TGM5: variants seen among roughly 807,000 people sequenced by gnomAD.
TGM5 encodes the protein protein-glutamine gamma-glutamyltransferase 5.
In TGM5, 69 loss-of-function variants were observed where a neutral mutation model predicts 77.2. The ratio of observed to expected loss-of-function variants is 0.89; its 90% CI spans 0.74 to 1.09. The LOEUF (loss-of-function observed/expected upper bound fraction) is 1.09. TGM5 is among the 50% of genes least tolerant of loss of function. TGM5 has a pLI of 0.00. For synonymous variants in TGM5, 346 were observed against 351.8 expected, an observed-to-expected ratio of 0.98 and a Z score of 0.18; for missense variants, 842 against 896.5, an observed-to-expected ratio of 0.94 and a Z score of 0.78.
intron 1 of TGM5, among the ~76,000 whole-genome samples, chr15:43,261,086 T>TTG (rs1566837503): frequency 4.9e-5 from 6 of 121,876 alleles, no homozygotes; most frequent in African/African-American, 9.5e-5. Flanking sequence ...GTTTTTTTTT[T>TTG]TTTTTTTTTT....
intron 1 of TGM5, among the ~76,000 whole-genome samples, chr15:43,263,847 A>C (rs1291963670): frequency 6.6e-6 from 1 of 152,242 alleles, no homozygotes; most frequent in Non-Finnish European, 1.5e-5. Context: ...TTTTGTCTTC[A>C]AGAACATCGT....
rs747794125 is a variant in TGM5 at position 43,253,615 on chromosome 15, T to A, written c.575A>T (p.Asp192Val). Residue 192 changes from aspartate to valine, a missense_variant, in exon 5 of 13, where the codon GAC becomes GTC. Asp to Val is a radical substitution (Grantham distance 152, BLOSUM62 -3). Around this residue, in one of 2 missense-constraint regions of TGM5, gnomAD observed 815 missense variants for 844.6 expected, o/e 0.96. Transcript: ENST00000220420. ...CTTGTCTAGCAGCTTCAGGCAGATG[T>A]CTATGATTTTGTCTTCAAACTTCGG... ...NYGQFEDKII[D>V]ICLKLLDKSL... 11 of 1,613,438 alleles carry A rather than the reference T, an allele frequency of 6.8e-6. No individual in the cohort carries two copies. In the East Asian group the frequency reaches 2.0e-4, roughly 29 times the overall value.
rs537461076 is a variant in TGM5, at chr15:43,254,305, G to A, written c.556-671C>T. Among the ~76,000 whole-genome samples, 8 of 152,348 alleles carry A rather than the reference G, an allele frequency of 5.3e-5. 1 individual carries two copies. Among genetic ancestry groups the A allele is most frequent in the African/African-American group, 1.9e-4 (8 of 41,584 alleles). On this transcript the variant is annotated intron_variant, in intron 4 of 12. Coordinates refer to ENST00000220420, the MANE Select transcript of TGM5 (RefSeq NM_201631.4). ...TAGTCAAGTCTGTCTTTTCCTGCCT[G>A]AGTCTCGGGGCTGTTTCAGTCCAGC...
chr15:43,233,778 T>C (rs1290407918), intron 11 of TGM5, 91 bp from the exon 12 acceptor site: 2 of 1,450,196 alleles, frequency 1.4e-6, no homozygotes, highest in African/African-American at 2.8e-5. Flanking sequence ...GGTGGCAGGA[T>C]ATGCCACCTC....
intron 11 of TGM5, among the ~76,000 whole-genome samples, chr15:43,234,288 T>C (rs1018628058): frequency 3.3e-5 from 5 of 152,286 alleles, no homozygotes; most frequent in African/African-American, 1.2e-4. Flanking sequence ...TCTTCCCACT[T>C]GGAAGACCGC....
At chr15:43,256,750 A>C in intron 3 of TGM5, 64 bp from the exon 4 acceptor site, 84 of 1,177,568 alleles carry the variant, frequency 7.1e-5, no homozygotes, top group Non-Finnish European at 9.6e-5. Flanking sequence ...CCCCATTCTC[A>C]TCCCCACAGT....
intron 7 of TGM5, among the ~76,000 whole-genome samples, chr15:43,240,605 G>A (rs999869321): frequency 6.6e-6 from 1 of 151,732 alleles, no homozygotes; most frequent in East Asian, 1.9e-4. Context: ...CCTCAACCCA[G>A]GGCAGAACAC....
intron 1 of TGM5, among the ~76,000 whole-genome samples, chr15:43,261,083 T>TTTTTTTTTTTTTG (rs2042785162): frequency 1.5e-5 from 1 of 68,306 alleles, no homozygotes; most frequent in African/African-American, 6.2e-5. Flanking sequence ...TGTGTTTTTT[T>TTTTTTTTTTTTTG]TTTTTTTTTT....
At chr15:43,244,270 A>G (rs1220415111) in intron 6 of TGM5, among the ~76,000 whole-genome samples, 2 of 152,214 alleles carry the variant, frequency 1.3e-5, no homozygotes, top group Non-Finnish European at 2.9e-5. Flanking sequence ...AGCTCATATA[A>G]GACTTTTCTT....
intron 9 of TGM5, 77 bp downstream of exon 9, chr15:43,238,740 A>G: frequency 3.2e-6 from 5 of 1,581,658 alleles, no homozygotes; most frequent in Non-Finnish European, 4.3e-6. Context: ...TGCCTCGCAG[A>G]TGCTCTCTGG....
rs992488714 is a variant in TGM5 at position 43,239,488 on chromosome 15, C to T, written c.1002-222G>A. On this transcript the variant is annotated intron_variant, in intron 7 of 12. Transcript: ENST00000220420. ...CTTGAGCTCAGGAGTTCAAGATTAACCTGGGCAAAAAAGGAAGATCTCGTC... is the reference window on the plus strand; with the variant it reads ...CTTGAGCTCAGGAGTTCAAGATTAATCTGGGCAAAAAAGGAAGATCTCGTC... 3.8e-5 allele frequency: 22 copies of T among 584,260 alleles called. No homozygotes were observed. In the South Asian group the frequency reaches 4.3e-4, roughly 11 times the overall value. The allele number at this position is 584,260 out of a possible 1,614,324, so 36.2% of individuals were successfully genotyped here.
intron 1 of TGM5, among the ~76,000 whole-genome samples, chr15:43,261,060 CTTTTTTTGTGTGTGTGTTTTTTTTTTTTT>C (rs2042782752): frequency 2.2e-5 from 2 of 90,620 alleles, no homozygotes; most frequent in South Asian, 3.9e-4. Context: ...GCTGCTCTTC[CTTTTTTTGTGTGTGTGTTTTTTTTTTTTT>C]TTTTTTTTTT....
intron 6 of TGM5, among the ~76,000 whole-genome samples, chr15:43,242,128 T>C (rs1352595194): frequency 6.6e-6 from 1 of 152,174 alleles, no homozygotes; most frequent in Non-Finnish European, 1.5e-5. Flanking sequence ...ACTATTATTA[T>C]CTCCATTTTG....
chr15:43,239,474 G>A, intron 7 of TGM5: 1 of 611,160 alleles, frequency 1.6e-6, no homozygotes, highest in Non-Finnish European at 2.9e-6. Flanking sequence ...TTGAGCTCAG[G>A]AGTTCAAGAT....
Position 43,233,537 on chromosome 15 carries a change from G to A in TGM5, c.2009+17C>T. ...GGGGGGAAAAACAGGAGAAGGCTGA[G>A]CACTTGCAGCACTTACAAGACTTTC... On this transcript the variant is annotated intron_variant, in intron 12 of 12. Transcript: ENST00000220420. 1.9e-6 allele frequency: 3 copies of A among 1,614,146 alleles called. No individual in the cohort carries two copies. The highest frequency in any genetic ancestry group is 2.2e-5 in the East Asian group (1 of 44,890).
chr15:43,234,920 T>C lies in TGM5; in HGVS notation c.1724A>G (p.Tyr575Cys). 2 of 1,613,970 alleles carry C rather than the reference T, an allele frequency of 1.2e-6. No individual in the cohort carries two copies. Among genetic ancestry groups the C allele is most frequent in the Admixed American group, 1.7e-5 (1 of 60,022 alleles). Residue 575 changes from tyrosine to cysteine, a missense_variant, in exon 11 of 13, where the codon TAC becomes TGC. By Grantham distance (194) the Tyr-to-Cys change is radical. Around this residue, in one of 2 missense-constraint regions of TGM5, gnomAD observed 815 missense variants for 844.6 expected, o/e 0.96. Transcript: ENST00000220420. ...ITLSPKEAKT[Y>C]PCKISYSQYS... ...CTGGGAATAGGAGATTTTGCAGGGGTAGGTCTTTGCTAAAGAAAGAACACA... is the reference window on the plus strand; with the variant it reads ...CTGGGAATAGGAGATTTTGCAGGGGCAGGTCTTTGCTAAAGAAAGAACACA...
At chr15:43,236,855 G>A (rs536906479) in intron 9 of TGM5, among the ~76,000 whole-genome samples, 8 of 151,864 alleles carry the variant, frequency 5.3e-5, no homozygotes, top group African/African-American at 1.9e-4. Flanking sequence ...TATAATCCCA[G>A]CTACTTGGGA....
intron 6 of TGM5, among the ~76,000 whole-genome samples, chr15:43,251,706 T>C (rs2042704664): frequency 6.6e-6 from 1 of 152,190 alleles, no homozygotes; most frequent in East Asian, 1.9e-4. Context: ...TGCTTGGCCC[T>C]GGGTGAGGCA....
Position 43,259,607 on chromosome 15 carries a change from T to C in TGM5, c.436+445A>G, listed in dbSNP as rs920994727. ...GAAAATGTTAAAGGTGAATGGAATCTGAAAGAATAGAACTGCTGTTGAATG... is the reference window on the plus strand; with the variant it reads ...GAAAATGTTAAAGGTGAATGGAATCCGAAAGAATAGAACTGCTGTTGAATG... On this transcript the variant is annotated intron_variant, in intron 3 of 12. Coordinates refer to ENST00000220420, the MANE Select transcript of TGM5 (RefSeq NM_201631.4). Among the ~76,000 whole-genome samples the C allele has an allele frequency of 2.0e-5, 3 of 152,350 alleles. No homozygotes were observed. The South Asian group carries it at 6.2e-4, about 32-fold the overall frequency.
Sources: gnomAD v4.1 joint callset for allele counts (sites outside exome capture counted in the v4.1 genomes callset) on GRCh38, gnomAD v4.1.1 for gene constraint, gnomAD v4.1.1 regional missense constraint, MANE v1.5 for transcripts, NCBI Gene and HGNC (gene_info 2026-07-23, HGNC 2026-07-21) for gene names.